Variants in ST6GALNAC3 observed in about 807,000 individuals in gnomAD.
The protein encoded by ST6GALNAC3 is ST6 N-acetylgalactosaminide alpha-2,6-sialyltransferase 3.
A neutral mutation model predicts 32.7 loss-of-function variants in ST6GALNAC3; 25 were observed. The ratio of observed to expected loss-of-function variants is 0.76; its 90% CI spans 0.56 to 1.07. ST6GALNAC3 has a LOEUF of 1.07. Ranked by LOEUF, ST6GALNAC3 falls within the 50% of genes least tolerant of loss-of-function variation. ST6GALNAC3 has a pLI of 0.00. For synonymous variants in ST6GALNAC3, 129 were observed against 133.1 expected, an observed-to-expected ratio of 0.97 and a Z score of 0.21; for missense variants, 355 against 382.4, an observed-to-expected ratio of 0.93 and a Z score of 0.60.
intron 1 of ST6GALNAC3, among the ~76,000 whole-genome samples, chr1:76,135,085 TG>T (rs1649855456): frequency 1.3e-5 from 2 of 151,556 alleles, no homozygotes; most frequent in Non-Finnish European, 2.9e-5. Flanking sequence ...AAGGTTGCAG[TG>T]AGCCAAGATC....
intron 3 of ST6GALNAC3, among the ~76,000 whole-genome samples, chr1:76,502,521 T>C (rs1661233191): frequency 6.6e-6 from 1 of 152,178 alleles, no homozygotes; most frequent in Non-Finnish European, 1.5e-5. Flanking sequence ...GGCTTGTTAA[T>C]GAGTCTTTTC....
chr1:76,330,662 A>G (rs1290519196), intron 2 of ST6GALNAC3, among the ~76,000 whole-genome samples: 3 of 152,212 alleles, frequency 2.0e-5, no homozygotes, highest in Non-Finnish European at 4.4e-5. Flanking sequence ...TTAGTCTTCA[A>G]AGCAACCCTA....
At chr1:76,152,871 G>A (rs1651140887) in intron 1 of ST6GALNAC3, among the ~76,000 whole-genome samples, 2 of 152,146 alleles carry the variant, frequency 1.3e-5, no homozygotes, top group Non-Finnish European at 2.9e-5. Context: ...CCTTTTGGTG[G>A]TTGAATTCTG....
At chr1:76,449,836 G>T (rs1244262595) in intron 3 of ST6GALNAC3, among the ~76,000 whole-genome samples, 1 of 151,772 alleles carries the variant, frequency 6.6e-6, no homozygotes, top group African/African-American at 2.4e-5. Context: ...GATTTCAATA[G>T]GTTTTGGGGG....
chr1:76,598,150 T>C (rs962460978), intron 3 of ST6GALNAC3, among the ~76,000 whole-genome samples: 3 of 152,062 alleles, frequency 2.0e-5, no homozygotes, highest in Non-Finnish European at 4.4e-5. Context: ...CTCCCTGAGA[T>C]CTCTTTTAGA....
At chr1:76,402,192 C>T (rs961464632) in intron 2 of ST6GALNAC3, among the ~76,000 whole-genome samples, 3 of 152,136 alleles carry the variant, frequency 2.0e-5, no homozygotes, top group Non-Finnish European at 2.9e-5. Flanking sequence ...AACTAGAAGG[C>T]GTACTTATAG....
At chr1:76,402,633 A>C (rs1188725498) in intron 2 of ST6GALNAC3, among the ~76,000 whole-genome samples, 1 of 152,146 alleles carries the variant, frequency 6.6e-6, no homozygotes, top group Non-Finnish European at 1.5e-5. Context: ...CATCATTTGC[A>C]ATCATTTTTA....
At chr1:76,552,360 T>C (rs1664689099) in intron 3 of ST6GALNAC3, among the ~76,000 whole-genome samples, 1 of 152,170 alleles carries the variant, frequency 6.6e-6, no homozygotes, top group African/African-American at 2.4e-5. Flanking sequence ...CTGAATTGGA[T>C]GCCTCACTTC....
At chr1:76,449,982 G>A (rs11586719) in intron 3 of ST6GALNAC3, among the ~76,000 whole-genome samples, 87,370 of 151,978 alleles carry the variant, frequency 0.57, 25,890 homozygotes, top group Admixed American at 0.66. Flanking sequence ...TTGATTGATG[G>A]GCATTTGGGC....
At chr1:76,627,064 G>T (rs553800073) in intron 3 of ST6GALNAC3, among the ~76,000 whole-genome samples, 2 of 152,000 alleles carry the variant, frequency 1.3e-5, no homozygotes, top group African/African-American at 2.4e-5. Context: ...TTATCATTCA[G>T]TTCCCATCTG....
At chr1:76,407,178 C>G (rs1653894533) in intron 2 of ST6GALNAC3, among the ~76,000 whole-genome samples, 1 of 152,132 alleles carries the variant, frequency 6.6e-6, no homozygotes, top group African/African-American at 2.4e-5. Context: ...AAACAGCATA[C>G]GAATTGACTC....
intron 2 of ST6GALNAC3, among the ~76,000 whole-genome samples, chr1:76,334,604 C>T (rs995224600): frequency 2.0e-5 from 3 of 152,162 alleles, no homozygotes; most frequent in South Asian, 2.1e-4. Context: ...TGAGCATCTT[C>T]GTTGGTATTT....
At position 76,446,175 on chromosome 1, in the gene ST6GALNAC3, C is replaced by G. The variant is rs571856899; in HGVS notation, c.623+33758C>G. Among the ~76,000 whole-genome samples the G allele has an allele frequency of 2.5e-3, 376 of 152,110 alleles. 1 individual carries two copies. Among genetic ancestry groups the G allele is most frequent in the African/African-American group, 8.5e-3 (354 of 41,500 alleles). ...GATATTGTTCTTTTTTCTAAATAAG[C>G]TTCTTTTTTAAACAACAGTTTTAAG... On this transcript the variant is annotated intron_variant, in intron 3 of 4. Coordinates refer to ENST00000328299, the MANE Select transcript of ST6GALNAC3 (RefSeq NM_152996.4).
chr1:76,263,729 G>A (rs1335232905), intron 1 of ST6GALNAC3, among the ~76,000 whole-genome samples: 1 of 152,162 alleles, frequency 6.6e-6, no homozygotes, highest in Non-Finnish European at 1.5e-5. Context: ...TGTATTTCTC[G>A]AATGTTCCTC....
intron 1 of ST6GALNAC3, among the ~76,000 whole-genome samples, chr1:76,106,343 T>G (rs1480761167): frequency 6.6e-6 from 1 of 152,218 alleles, no homozygotes; most frequent in Non-Finnish European, 1.5e-5. Flanking sequence ...AAAAATGAGC[T>G]GAACCATGTT....
chr1:76,600,962 G>A (rs1647216758), intron 3 of ST6GALNAC3, among the ~76,000 whole-genome samples: 1 of 152,118 alleles, frequency 6.6e-6, no homozygotes, highest in African/African-American at 2.4e-5. Flanking sequence ...GTGGGTGGAT[G>A]GCTTTAGCCC....
At chr1:76,634,994 C>T (rs529482334), downstream of ST6GALNAC3, among the ~76,000 whole-genome samples, 25 of 152,226 alleles carry the variant, frequency 1.6e-4, no homozygotes, top group South Asian at 2.5e-3. Flanking sequence ...ATATCCAAGT[C>T]GGAAACATAT....
intron 2 of ST6GALNAC3, among the ~76,000 whole-genome samples, chr1:76,383,550 G>A (rs1040611493): frequency 1.7e-4 from 25 of 150,318 alleles, no homozygotes; most frequent in Admixed American, 2.0e-4. Context: ...GAGATTTACC[G>A]GCATTAGTCA....
At chr1:76,602,478 G>A (rs933092740) in intron 3 of ST6GALNAC3, among the ~76,000 whole-genome samples, 18 of 151,970 alleles carry the variant, frequency 1.2e-4, no homozygotes, top group Non-Finnish European at 2.6e-4. Flanking sequence ...AAGTAAGCTT[G>A]AGAACTCCCA....
Sources: gnomAD v4.1 joint callset for allele counts (sites outside exome capture counted in the v4.1 genomes callset) on GRCh38, gnomAD v4.1.1 for gene constraint, MANE v1.5 for transcripts, NCBI Gene and HGNC (gene_info 2026-07-23, HGNC 2026-07-21) for gene names.